Variants in COPS5 observed in about 807,000 individuals in gnomAD.
COPS5 encodes COP9 signalosome subunit 5.
In COPS5, 8 loss-of-function variants were observed where a neutral mutation model predicts 44.4. That is an observed-to-expected ratio of 0.18 (90% CI 0.11 to 0.32). The LOEUF is 0.32. COPS5 is among the 10% of genes least tolerant of loss of function. COPS5 has a pLI of 1.00. For synonymous variants in COPS5, 122 were observed against 142.8 expected, an observed-to-expected ratio of 0.85 and a Z score of 1.04; for missense variants, 159 against 406.4, an observed-to-expected ratio of 0.39 and a Z score of 5.23.
chr8:67,047,183 C>T (rs190126735), intron 6 of COPS5, among the ~76,000 whole-genome samples: 2 of 152,192 alleles, frequency 1.3e-5, no homozygotes, highest in East Asian at 1.9e-4. Flanking sequence ...AGTAGTATGT[C>T]GTTCTATTTG....
At chr8:67,050,415 C>T (rs1026270422) in intron 6 of COPS5, among the ~76,000 whole-genome samples, 2 of 152,194 alleles carry the variant, frequency 1.3e-5, no homozygotes, top group Admixed American at 6.5e-5. Context: ...TTCTACGCTG[C>T]GGCTCAGCAG....
intron 6 of COPS5, among the ~76,000 whole-genome samples, chr8:67,048,118 A>G (rs910163915): frequency 6.6e-6 from 1 of 151,920 alleles, no homozygotes; most frequent in Non-Finnish European, 1.5e-5. Flanking sequence ...TCTATGAAAA[A>G]ATATAAAAAA....
intron 1 of COPS5, 120 bp downstream of exon 1, chr8:67,061,734 A>G: frequency 2.0e-6 from 2 of 994,188 alleles, no homozygotes; most frequent in South Asian, 3.0e-5. Flanking sequence ...TCCAAGACGC[A>G]TATTCTGTCC....
chr8:67,044,978 A>T (rs1051138417), intron 7 of COPS5: 3 of 152,140 alleles, frequency 2.0e-5, no homozygotes, highest in Non-Finnish European at 4.4e-5. Context: ...AGGTCCACAT[A>T]ATTATTTCGT....
chr8:67,061,879 G>A lies in COPS5; in HGVS notation c.118C>T (p.Leu40=), dbSNP rs1804648074. Residue 40 remains leucine (L), a synonymous_variant, in exon 1 of 8, where the codon CTG becomes TTG. Transcript: ENST00000357849. The part of the protein sequence containing the change: ...KYDKKQQQEI[L]AAKPWTKDHH... ...TCCTTAGTCCAGGGCTTCGCCGCCA[G>A]GATTTCTTGCTGCTGTTTCTTGTCG... 6.2e-7 allele frequency: 1 copy of A among 1,614,196 alleles called. No homozygotes were observed.
intron 7 of COPS5, chr8:67,045,587 A>G (rs565563907): frequency 1.8e-6 from 1 of 542,658 alleles, no homozygotes; most frequent in South Asian, 2.4e-5. Flanking sequence ...AACACTGCTT[A>G]GAACTTTGAT....
chr8:67,053,636 G>C (rs1563446216), intron 5 of COPS5, among the ~76,000 whole-genome samples: 1 of 151,438 alleles, frequency 6.6e-6, no homozygotes, highest in Non-Finnish European at 1.5e-5. Flanking sequence ...GGGAGGCGGA[G>C]GTTGCAGTGA....
At chr8:67,057,324 T>C in intron 4 of COPS5, 56 bp downstream of exon 4, 1 of 1,185,570 alleles carries the variant, frequency 8.4e-7, no homozygotes, top group South Asian at 1.3e-5. Context: ...ATAGCCACTG[T>C]ACTCCAGCCT....
chr8:67,053,734 C>T (rs1244531125), intron 5 of COPS5, among the ~76,000 whole-genome samples: 14 of 125,898 alleles, frequency 1.1e-4, no homozygotes, highest in African/African-American at 2.7e-4. Context: ...GGGCCGGGCA[C>T]GGTGGCTCAC....
intron 3 of COPS5, 101 bp downstream of exon 3, chr8:67,057,981 AC>A (rs1804536532): frequency 1.6e-6 from 2 of 1,255,886 alleles, no homozygotes; most frequent in Non-Finnish European, 2.3e-6. Context: ...GCAGACTGAT[AC>A]CAGAGCAATT....
chr8:67,046,824 C>CAAAAAAAAA (rs771868140), intron 6 of COPS5, among the ~76,000 whole-genome samples: 5 of 43,720 alleles, frequency 1.1e-4, no homozygotes, highest in Admixed American at 2.7e-4. Flanking sequence ...ACTCTGTCTC[C>CAAAAAAAAA]AAAAAAAAAA....
intron 5 of COPS5, among the ~76,000 whole-genome samples, chr8:67,055,686 T>A (rs1399237466): frequency 1.3e-5 from 2 of 151,924 alleles, no homozygotes; most frequent in East Asian, 3.9e-4. Context: ...GCCAACACGG[T>A]GAAACCCTGT....
Position 67,057,456 on chromosome 8 carries a change from G to T in COPS5, c.508-11C>A, listed in dbSNP as rs373023270. The T allele has an allele frequency of 5.4e-5, 86 of 1,583,464 alleles. No individual in the cohort carries two copies. The highest frequency in any genetic ancestry group is 6.7e-5 in the Non-Finnish European group (77 of 1,156,672). On this transcript the variant is annotated splice_polypyrimidine_tract_variant and intron_variant, in intron 3 of 7. Transcript: ENST00000357849. Reference sequence around the variant, plus strand: ...TCTTGTTGGATCAATCTATAAGAAAGATATATTTAATATCTGCTGATATAA... The same window carrying T: ...TCTTGTTGGATCAATCTATAAGAAATATATATTTAATATCTGCTGATATAA...
At position 67,051,341 on chromosome 8, in the gene COPS5, T is replaced by C. The variant is rs147816582; in HGVS notation, c.660A>G (p.Gln220=). 4 of 1,559,360 alleles carry C rather than the reference T, an allele frequency of 2.6e-6. No homozygotes were observed. Among genetic ancestry groups the C allele is most frequent in the East Asian group, 4.5e-5 (2 of 44,598 alleles). ...AATATGAGACTTCTAAGGCATAATATCTATGAAATAAAAGCATAAAATTTA... is the reference window on the plus strand; with the variant it reads ...AATATGAGACTTCTAAGGCATAATACCTATGAAATAAAAGCATAAAATTTA... ...KIEDFGVHCK[Q]YYALEVSYFK... is the part of the protein sequence containing the mutation. The change falls in exon 6 of 8, where the codon CAA becomes CAG. Residue 220 remains glutamine, a splice_region_variant and synonymous_variant. Coordinates refer to ENST00000357849, the MANE Select transcript of COPS5 (RefSeq NM_006837.3).
At position 67,061,834 on chromosome 8, in the gene COPS5, C is replaced by G. The variant is rs761714490; in HGVS notation, c.143+20G>C. ...CCGCCACCCTTTCCCTCCCCTGCGTCTCGCCAGGGACCTCCTCACTCCTTA... is the reference window on the plus strand; with the variant it reads ...CCGCCACCCTTTCCCTCCCCTGCGTGTCGCCAGGGACCTCCTCACTCCTTA... On this transcript the variant is annotated intron_variant, in intron 1 of 7. Coordinates refer to ENST00000357849, the MANE Select transcript of COPS5 (RefSeq NM_006837.3). 1 of 1,613,068 alleles carries G rather than the reference C, an allele frequency of 6.2e-7. No homozygotes were observed.
chr8:67,044,279 TCAAG>T (rs1369778935), intron 7 of COPS5: 1 of 152,036 alleles, frequency 6.6e-6, no homozygotes, highest in Non-Finnish European at 1.5e-5. Flanking sequence ...ACTCTTGAGC[TCAAG>T]CAATATGCCT....
At chr8:67,060,268 A>C in intron 1 of COPS5, 1 of 983,162 alleles carries the variant, frequency 1.0e-6, no homozygotes, top group Non-Finnish European at 1.3e-6. Context: ...TTAGAGCCAC[A>C]ATTAGACAGT....
chr8:67,058,612 A>G (rs973967369), intron 2 of COPS5, among the ~76,000 whole-genome samples: 2 of 152,020 alleles, frequency 1.3e-5, no homozygotes, highest in African/African-American at 4.8e-5. Flanking sequence ...TTATTTAGCC[A>G]GTTTTATACT....
intron 5 of COPS5, among the ~76,000 whole-genome samples, 185 bp from the exon 6 acceptor site, chr8:67,051,526 C>T (rs1193257551): frequency 6.6e-6 from 1 of 152,194 alleles, no homozygotes; most frequent in Non-Finnish European, 1.5e-5. Context: ...ATCCAAATCT[C>T]CTACTAAACT....
Sources: allele counts gnomAD v4.1 joint callset (sites outside exome capture counted in the v4.1 genomes callset), GRCh38; gene constraint gnomAD v4.1.1; transcripts MANE v1.5; gene names NCBI Gene and HGNC (gene_info 2026-07-23, HGNC 2026-07-21).